Variants in SDK1 observed in about 807,000 individuals in gnomAD.
SDK1 encodes the protein sidekick cell adhesion molecule 1, also known as protein sidekick-1.
SDK1 carries 157 observed loss-of-function variants against 245.5 expected under a neutral mutation model. The ratio of observed to expected loss-of-function variants is 0.64; its 90% CI spans 0.56 to 0.73. The LOEUF (loss-of-function observed/expected upper bound fraction) is 0.73, where lower values mean the gene tolerates loss of function less well. Ranked by LOEUF, SDK1 falls within the 30% of genes least tolerant of loss-of-function variation. SDK1 has a pLI of 0.00. For missense variants in SDK1, 3,583 were observed against 3,002.3 expected (o/e 1.19, Z -4.52); for synonymous variants, 1,647 against 1,278.5 (o/e 1.29, Z -6.15).
intron 5 of SDK1, among the ~76,000 whole-genome samples, chr7:3,838,639 G>A (rs537721326): frequency 3.9e-5 from 6 of 152,154 alleles, no homozygotes; most frequent in Non-Finnish European, 8.8e-5. Context: ...AACACTGATG[G>A]TCCGGTGTTG....
chr7:4,131,266 A>G (rs1464489437), intron 27 of SDK1, among the ~76,000 whole-genome samples: 1 of 152,222 alleles, frequency 6.6e-6, no homozygotes, highest in Non-Finnish European at 1.5e-5. Flanking sequence ...CCTCTCCCAC[A>G]GCGCTCCTGT....
At chr7:3,762,517 A>G (rs899914189) in intron 4 of SDK1, among the ~76,000 whole-genome samples, 5 of 152,226 alleles carry the variant, frequency 3.3e-5, no homozygotes, top group African/African-American at 1.2e-4. Context: ...ACTTGCTGCA[A>G]ATGCAATTAC....
intron 5 of SDK1, among the ~76,000 whole-genome samples, chr7:3,845,223 C>T (rs1366167860): frequency 2.0e-5 from 3 of 152,040 alleles, no homozygotes; most frequent in Non-Finnish European, 4.4e-5. Context: ...AGGCCAGGTG[C>T]GGTGGCTCAC....
At chr7:4,045,060 T>A (rs1433601120) in intron 17 of SDK1, among the ~76,000 whole-genome samples, 1 of 152,176 alleles carries the variant, frequency 6.6e-6, no homozygotes, top group East Asian at 1.9e-4. Flanking sequence ...TCCCTTAGTG[T>A]CATGCATTTG....
chr7:3,526,750 G>A (rs943235812), intron 1 of SDK1, among the ~76,000 whole-genome samples: 1 of 151,948 alleles, frequency 6.6e-6, no homozygotes, highest in African/African-American at 2.4e-5. Context: ...TTTTTTCACA[G>A]CTGCGAAGAG....
At chr7:4,075,311 G>A (rs951824866) in intron 20 of SDK1, among the ~76,000 whole-genome samples, 21 of 152,302 alleles carry the variant, frequency 1.4e-4, no homozygotes, top group African/African-American at 5.1e-4. Context: ...GGCACGGCCA[G>A]GGGGAGCAGT....
At chr7:3,726,808 T>G (rs1779021469) in intron 4 of SDK1, among the ~76,000 whole-genome samples, 2 of 152,196 alleles carry the variant, frequency 1.3e-5, no homozygotes, top group Admixed American at 6.5e-5. Context: ...ATTCCTCTAT[T>G]AAATGTTCTA....
At chr7:3,356,630 G>T (rs1349584932) in intron 1 of SDK1, among the ~76,000 whole-genome samples, 1 of 152,134 alleles carries the variant, frequency 6.6e-6, no homozygotes, top group African/African-American at 2.4e-5. Context: ...TGTGTTGTCT[G>T]TAATTGTTTG....
At chr7:3,581,070 G>T (rs55785254) in intron 1 of SDK1, among the ~76,000 whole-genome samples, 2 of 146,802 alleles carry the variant, frequency 1.4e-5, no homozygotes, top group South Asian at 2.2e-4. Context: ...GTATGATGAA[G>T]ATGCTGAAAA....
intron 41 of SDK1, 108 bp from the exon 42 acceptor site, chr7:4,237,539 C>A: frequency 1.6e-6 from 2 of 1,274,746 alleles, no homozygotes; most frequent in Non-Finnish European, 2.3e-6. Context: ...TCACCTGTAA[C>A]TGGGAGTTAT....
At chr7:3,700,173 C>G (rs1784699902) in intron 4 of SDK1, among the ~76,000 whole-genome samples, 1 of 152,078 alleles carries the variant, frequency 6.6e-6, no homozygotes. Context: ...GAATGTGTTT[C>G]TATAATACCT....
intron 22 of SDK1, among the ~76,000 whole-genome samples, chr7:4,102,081 C>G (rs1324801293): frequency 6.6e-6 from 1 of 152,188 alleles, no homozygotes; most frequent in African/African-American, 2.4e-5. Context: ...GAATCTAGAG[C>G]TGGGCTGATT....
intron 1 of SDK1, among the ~76,000 whole-genome samples, chr7:3,357,835 T>C (rs546390273): frequency 1.3e-5 from 2 of 152,202 alleles, no homozygotes; most frequent in South Asian, 4.1e-4. Flanking sequence ...GATTCATGAT[T>C]TGTGATTAAG....
intron 4 of SDK1, among the ~76,000 whole-genome samples, chr7:3,773,133 GTTC>G (rs1194053003): frequency 6.6e-6 from 1 of 152,056 alleles, no homozygotes; most frequent in Non-Finnish European, 1.5e-5. Context: ...TATACTTTCT[GTTC>G]TTTCTCCCTC....
intron 35 of SDK1, among the ~76,000 whole-genome samples, chr7:4,186,433 G>C (rs576025740): frequency 1.6e-4 from 25 of 152,326 alleles, no homozygotes; most frequent in African/African-American, 6.0e-4. Context: ...AGCTGCCCCA[G>C]GACAGAGCCT....
chr7:3,334,406 G>A (rs1326129709), intron 1 of SDK1, among the ~76,000 whole-genome samples: 2 of 152,090 alleles, frequency 1.3e-5, no homozygotes, highest in African/African-American at 4.8e-5. Context: ...CCACTTAATT[G>A]TCCTCCTGTT....
At chr7:4,037,483 A>T (rs533022592) in intron 17 of SDK1, among the ~76,000 whole-genome samples, 1 of 152,190 alleles carries the variant, frequency 6.6e-6, no homozygotes, top group East Asian at 1.9e-4. Context: ...GCTGATTGTG[A>T]TGACTCATCT....
chr7:4,223,739 A>G (rs1785263508), intron 40 of SDK1, among the ~76,000 whole-genome samples: 1 of 152,162 alleles, frequency 6.6e-6, no homozygotes, highest in Non-Finnish European at 1.5e-5. Flanking sequence ...TCGGACTTCA[A>G]CGTATGAATT....
intron 5 of SDK1, among the ~76,000 whole-genome samples, chr7:3,866,970 C>G (rs911536742): frequency 1.3e-5 from 2 of 152,142 alleles, no homozygotes; most frequent in Non-Finnish European, 2.9e-5. Context: ...TGAAATGCAC[C>G]AGCTCTGCCA....
Sources: gnomAD v4.1 joint callset for allele counts (sites outside exome capture counted in the v4.1 genomes callset) on GRCh38, gnomAD v4.1.1 for gene constraint, MANE v1.5 for transcripts, NCBI Gene and HGNC (gene_info 2026-07-23, HGNC 2026-07-21) for gene names.